Variants in CACNA2D3 observed in about 807,000 individuals in gnomAD.
CACNA2D3 encodes the protein calcium voltage-gated channel auxiliary subunit alpha2delta 3.
In CACNA2D3, 60 loss-of-function variants were observed where a neutral mutation model predicts 160.6. The observed-to-expected ratio is 0.37, with a 90% CI of 0.30 to 0.46. The LOEUF (loss-of-function observed/expected upper bound fraction) is 0.46, where lower values mean the gene tolerates loss of function less well. CACNA2D3 is among the 20% of genes least tolerant of loss of function. The pLI, the probability that CACNA2D3 is intolerant of heterozygous loss-of-function variation, is 1.00. For synonymous variants in CACNA2D3, 558 were observed against 492.9 expected, an observed-to-expected ratio of 1.13 and a Z score of -1.75; for missense variants, 1,205 against 1,365.0, an observed-to-expected ratio of 0.88 and a Z score of 1.85.
At position 54,514,117 on chromosome 3, in the gene CACNA2D3, T is replaced by C. The variant is rs543350354; in HGVS notation, c.544+10463T>C. 1.2e-4 allele frequency among the ~76,000 whole-genome samples: 19 copies of C among 152,374 alleles called. No individual in the cohort carries two copies. The South Asian group carries it at 3.7e-3, about 30-fold the overall frequency. ...TTTTACATAAACACTTCCAATTTCT[T>C]CCCTTTATGAAAATAATGTTGCAGC... is the stretch of plus-strand genomic sequence containing the variant. On this transcript the variant is annotated intron_variant, in intron 5 of 37. Coordinates refer to ENST00000474759, the MANE Select transcript of CACNA2D3 (RefSeq NM_018398.3).
intron 2 of CACNA2D3, among the ~76,000 whole-genome samples, chr3:54,145,853 C>T (rs1700018986): frequency 6.6e-6 from 1 of 152,154 alleles, no homozygotes; most frequent in Admixed American, 6.5e-5. Context: ...GCTGTTGGAG[C>T]TTTTCATTTT....
Position 54,569,576 on chromosome 3 carries a change from G to A in CACNA2D3, c.677-219G>A, listed in dbSNP as rs534688055. ...CTAAAAACATCTCCACTCTCTGCAG[G>A]CCTTTGGAGAAGCTGAGCTAGCGCT... On this transcript the variant is annotated intron_variant, in intron 6 of 37. Transcript: ENST00000474759. 2.0e-5 allele frequency among the ~76,000 whole-genome samples: 3 copies of A among 152,302 alleles called. No individual in the cohort carries two copies. In the South Asian group the frequency reaches 6.2e-4, roughly 32 times the overall value.
chr3:55,066,126 G>A (rs1704630502), intron 35 of CACNA2D3, among the ~76,000 whole-genome samples: 1 of 152,188 alleles, frequency 6.6e-6, no homozygotes, highest in Non-Finnish European at 1.5e-5. Flanking sequence ...TGCTGGGGCA[G>A]GGCAGGTGGG....
At chr3:54,764,186 A>G (rs758204685) in intron 12 of CACNA2D3, 32 bp from the exon 13 acceptor site, 6 of 1,612,556 alleles carry the variant, frequency 3.7e-6, no homozygotes, top group Non-Finnish European at 5.1e-6. Flanking sequence ...TCTGTCTGTT[A>G]CTAAACTTGG....
intron 14 of CACNA2D3, 73 bp from the exon 15 acceptor site, chr3:54,837,086 T>G: frequency 2.3e-6 from 3 of 1,306,506 alleles, no homozygotes; most frequent in Non-Finnish European, 3.3e-6. Flanking sequence ...AGGACATGAT[T>G]GTCAAGGGGG....
intron 2 of CACNA2D3, among the ~76,000 whole-genome samples, chr3:54,277,737 G>A (rs1702780061): frequency 6.6e-6 from 1 of 152,148 alleles, no homozygotes; most frequent in Non-Finnish European, 1.5e-5. Context: ...CTATTTTCAT[G>A]ATATTGATTC....
intron 2 of CACNA2D3, among the ~76,000 whole-genome samples, chr3:54,182,081 G>A (rs779150186): frequency 5.9e-5 from 9 of 152,110 alleles, no homozygotes; most frequent in Admixed American, 2.0e-4. Context: ...TTAGGTTTTA[G>A]ATTGCCCCAG....
At chr3:54,602,809 C>T (rs1029359236) in intron 9 of CACNA2D3, among the ~76,000 whole-genome samples, 1 of 152,170 alleles carries the variant, frequency 6.6e-6, no homozygotes, top group African/African-American at 2.4e-5. Context: ...TTTAAACCAG[C>T]ATTCAATTTG....
In CACNA2D3 at chr3:54,401,674, A is replaced by C. The variant is rs527524181; in HGVS notation, c.381+14900A>C. On this transcript the variant is annotated intron_variant, in intron 4 of 37. Transcript: ENST00000474759. ...TAAAGGTGTCCTTCAGGAATAAAGG[A>C]GAAACAAAAGTCTTTCCTAGGCAAG... Among the ~76,000 whole-genome samples the C allele has an allele frequency of 3.9e-5, 6 of 152,302 alleles. No homozygotes were observed. The South Asian group carries it at 6.2e-4, about 16-fold the overall frequency.
intron 10 of CACNA2D3, chr3:54,639,386 A>G (rs944643844): frequency 6.6e-6 from 1 of 152,428 alleles, no homozygotes; most frequent in East Asian, 1.9e-4. Flanking sequence ...CGTCCCTGCA[A>G]TGATTAAACA....
At chr3:54,830,667 C>G (rs1198874839) in intron 14 of CACNA2D3, among the ~76,000 whole-genome samples, 2 of 152,078 alleles carry the variant, frequency 1.3e-5, no homozygotes, top group African/African-American at 4.8e-5. Context: ...GTTGGCCAAG[C>G]TGGTCTCAAA....
intron 12 of CACNA2D3, 110 bp downstream of exon 12, chr3:54,752,787 G>C: frequency 1.4e-6 from 1 of 721,476 alleles, no homozygotes; most frequent in South Asian, 1.7e-5. Flanking sequence ...TAAAGTCTGG[G>C]TATATCTAAG....
At chr3:54,889,844 G>A (rs962916543) in intron 24 of CACNA2D3, among the ~76,000 whole-genome samples, 2 of 151,960 alleles carry the variant, frequency 1.3e-5, no homozygotes, top group African/African-American at 2.4e-5. Flanking sequence ...GTTTCTTTTC[G>A]GCTCTCATGA....
rs74756701 is a variant in CACNA2D3, at chr3:54,491,833, A to G, written c.382-11659A>G. 3.6e-3 allele frequency among the ~76,000 whole-genome samples: 554 copies of G among 152,254 alleles called. 4 individuals carry two copies. Among genetic ancestry groups the G allele is most frequent in the African/African-American group, 0.012 (512 of 41,548 alleles). On this transcript the variant is annotated intron_variant, in intron 4 of 37. Transcript: ENST00000474759. ...AGTTCTTTGCAGAAAAAGTTTGCCAACCTCTAAACTGGGGAGTAATGAGTT... is the reference window on the plus strand; with the variant it reads ...AGTTCTTTGCAGAAAAAGTTTGCCAGCCTCTAAACTGGGGAGTAATGAGTT...
At chr3:55,028,950 A>G (rs192421031) in intron 35 of CACNA2D3, among the ~76,000 whole-genome samples, 353 of 152,306 alleles carry the variant, frequency 2.3e-3, no homozygotes, top group Non-Finnish European at 3.9e-3. Flanking sequence ...CTAAGCTGAA[A>G]GAAAGTAATT....
At chr3:54,393,426 A>C (rs978460430) in intron 4 of CACNA2D3, among the ~76,000 whole-genome samples, 3 of 152,146 alleles carry the variant, frequency 2.0e-5, no homozygotes, top group Non-Finnish European at 2.9e-5. Context: ...GCTCTGGTGC[A>C]GTTAGCCACA....
At chr3:54,814,269 A>C (rs1703400445) in intron 13 of CACNA2D3, among the ~76,000 whole-genome samples, 1 of 152,222 alleles carries the variant, frequency 6.6e-6, no homozygotes, top group African/African-American at 2.4e-5. Context: ...GCTGGGTCTC[A>C]AGGTAAAACC....
intron 13 of CACNA2D3, among the ~76,000 whole-genome samples, chr3:54,785,105 C>T (rs773463116): frequency 6.6e-6 from 1 of 152,226 alleles, no homozygotes; most frequent in Admixed American, 6.5e-5. Flanking sequence ...ACAGTAGCCA[C>T]CAGCAGAGCC....
At chr3:54,967,741 C>T (rs1702183794) in intron 27 of CACNA2D3, among the ~76,000 whole-genome samples, 1 of 152,132 alleles carries the variant, frequency 6.6e-6, no homozygotes, top group African/African-American at 2.4e-5. Context: ...GGTGAACTTC[C>T]TCATGTTATA....
Sources: allele counts gnomAD v4.1 joint callset (sites outside exome capture counted in the v4.1 genomes callset), GRCh38; gene constraint gnomAD v4.1.1; transcripts MANE v1.5; gene names NCBI Gene and HGNC (gene_info 2026-07-23, HGNC 2026-07-21).